The following LRRTM4 variants were observed in gnomAD, a reference collection of about 807,000 sequenced individuals.
LRRTM4 encodes leucine-rich repeat transmembrane neuronal protein 4.
LRRTM4 carries 25 observed loss-of-function variants against 47.6 expected under a neutral mutation model. That is an observed-to-expected ratio of 0.53 (90% CI 0.38 to 0.73). The LOEUF (loss-of-function observed/expected upper bound fraction) is 0.73. Among genes scored for constraint, LRRTM4 ranks in the 30% least tolerant of loss-of-function variants. The pLI, the probability that LRRTM4 is intolerant of heterozygous loss-of-function variation, is 0.00. For synonymous variants in LRRTM4, 311 were observed against 269.5 expected (o/e 1.15, Z -1.51); for missense variants, 638 against 713.4 (o/e 0.89, Z 1.20).
chr2:77,159,827 T>C (rs1378357249), intron 3 of LRRTM4, among the ~76,000 whole-genome samples: 1 of 152,176 alleles, frequency 6.6e-6, no homozygotes, highest in Admixed American at 6.5e-5. Flanking sequence ...TGTTTCTGTA[T>C]GGTAACAATC....
chr2:77,452,705 C>T (rs2861051), intron 3 of LRRTM4, among the ~76,000 whole-genome samples: 6,420 of 152,164 alleles, frequency 0.042, 144 homozygotes, highest in Non-Finnish European at 0.057. Context: ...TCATTTTGCA[C>T]GGCGCCCTGC....
chr2:77,453,176 A>ATTT (rs1162461607), intron 3 of LRRTM4, among the ~76,000 whole-genome samples: 192 of 99,526 alleles, frequency 1.9e-3, no homozygotes, highest in African/African-American at 2.3e-3. Context: ...TTTCTTCTTG[A>ATTT]TTTTTTTTTT....
rs1210828740 is a variant in LRRTM4 at position 77,043,379 on chromosome 2, CG to C, written c.1552-294464del. On this transcript the variant is annotated intron_variant, in intron 3 of 3. Coordinates refer to ENST00000409884, the MANE Select transcript of LRRTM4 (RefSeq NM_001134745.3). ...AAAAAGAGGATTTGGGCATTGTCTT[CG>C]CAACAGTATTGTCCTCCAACTATAA... 3.3e-5 allele frequency among the ~76,000 whole-genome samples: 5 copies of C among 151,764 alleles called. No homozygotes were observed. The East Asian group carries it at 9.7e-4, about 30-fold the overall frequency.
At chr2:76,828,075 T>A (rs1671236735) in intron 3 of LRRTM4, among the ~76,000 whole-genome samples, 1 of 151,976 alleles carries the variant, frequency 6.6e-6, no homozygotes. Flanking sequence ...GATTATGCAT[T>A]TAATGAAAGA....
At chr2:76,836,363 C>G (rs1398129081) in intron 3 of LRRTM4, among the ~76,000 whole-genome samples, 3 of 151,752 alleles carry the variant, frequency 2.0e-5, no homozygotes, top group Non-Finnish European at 2.9e-5. Context: ...TGTATTTGCT[C>G]AACACATATT....
chr2:76,940,509 AG>A (rs1299080060), intron 3 of LRRTM4, among the ~76,000 whole-genome samples: 1 of 152,140 alleles, frequency 6.6e-6, no homozygotes, highest in Admixed American at 6.5e-5. Context: ...GAGAAGAGGG[AG>A]GGGATCAGGA....
Position 77,036,447 on chromosome 2 carries a change from G to A in LRRTM4, c.1552-287531C>T, listed in dbSNP as rs140354738. On this transcript the variant is annotated intron_variant, in intron 3 of 3. Coordinates refer to ENST00000409884, the MANE Select transcript of LRRTM4 (RefSeq NM_001134745.3). ...GCTGTCTTAGAAATTCTACTTTAAG[G>A]ATCTTGCTCAGATATCTCATCCTTT... 3.2e-4 allele frequency among the ~76,000 whole-genome samples: 49 copies of A among 151,670 alleles called. No individual in the cohort carries two copies. The East Asian group carries it at 7.8e-3, about 24-fold the overall frequency.
intron 3 of LRRTM4, among the ~76,000 whole-genome samples, chr2:77,436,042 A>G (rs879560225): frequency 1.3e-5 from 2 of 152,176 alleles, no homozygotes; most frequent in Non-Finnish European, 2.9e-5. Context: ...TTGACTCTCC[A>G]TTTATGTAGA....
At chr2:76,775,269 T>C (rs1198435352) in intron 3 of LRRTM4, among the ~76,000 whole-genome samples, 1 of 152,196 alleles carries the variant, frequency 6.6e-6, no homozygotes, top group African/African-American at 2.4e-5. Context: ...TTTCATAATG[T>C]TCAATCATGG....
intron 3 of LRRTM4, among the ~76,000 whole-genome samples, chr2:77,238,450 G>A (rs1007152978): frequency 6.6e-6 from 1 of 151,822 alleles, no homozygotes; most frequent in Non-Finnish European, 1.5e-5. Context: ...CAAAGACACA[G>A]GCATACCGTG....
At chr2:76,828,801 C>T (rs1487461742) in intron 3 of LRRTM4, among the ~76,000 whole-genome samples, 1 of 151,922 alleles carries the variant, frequency 6.6e-6, no homozygotes, top group Non-Finnish European at 1.5e-5. Flanking sequence ...AAAAGCCTAG[C>T]ACGAAACTCA....
chr2:77,070,408 CTA>C lies in LRRTM4; in HGVS notation c.1552-321494_1552-321493del, dbSNP rs996355613. 4.6e-5 allele frequency among the ~76,000 whole-genome samples: 7 copies of C among 151,906 alleles called. No individual in the cohort carries two copies. In the South Asian group the frequency reaches 6.2e-4, roughly 13 times the overall value. The stretch of plus-strand genomic sequence containing the variant: ...GCCATTTTCATGGATGTCACTCTCT[CTA>C]TATATATATTTTAAAGATAAAACAT... On this transcript the variant is annotated intron_variant, in intron 3 of 3. Transcript: ENST00000409884.
chr2:76,803,923 G>A (rs773437528), intron 3 of LRRTM4, among the ~76,000 whole-genome samples: 2 of 152,146 alleles, frequency 1.3e-5, no homozygotes, highest in Admixed American at 6.6e-5. Context: ...TGACTAGCAC[G>A]CAACAAAAAC....
chr2:77,411,757 A>G (rs1231710410), intron 3 of LRRTM4, among the ~76,000 whole-genome samples: 2 of 150,120 alleles, frequency 1.3e-5, no homozygotes, highest in African/African-American at 4.9e-5. Context: ...GATGTAAGCC[A>G]CCGCGCCCGG....
At chr2:76,809,391 T>C (rs759369358) in intron 3 of LRRTM4, among the ~76,000 whole-genome samples, 19 of 152,178 alleles carry the variant, frequency 1.2e-4, no homozygotes, top group Non-Finnish European at 2.6e-4. Flanking sequence ...ATCAGTTATG[T>C]CAGCTCCTTC....
At chr2:77,030,564 C>A (rs2104136581) in intron 3 of LRRTM4, among the ~76,000 whole-genome samples, 1 of 152,156 alleles carries the variant, frequency 6.6e-6, no homozygotes, top group Non-Finnish European at 1.5e-5. Flanking sequence ...ATTTATACTT[C>A]CAGAATTTAT....
chr2:77,208,650 G>A (rs1163465655), intron 3 of LRRTM4, among the ~76,000 whole-genome samples: 1 of 152,064 alleles, frequency 6.6e-6, no homozygotes, highest in African/African-American at 2.4e-5. Context: ...TCTGAGGATG[G>A]AGAGAGAGTT....
intron 3 of LRRTM4, among the ~76,000 whole-genome samples, chr2:77,435,490 T>A (rs973467301): frequency 1.3e-5 from 2 of 152,134 alleles, no homozygotes; most frequent in Non-Finnish European, 2.9e-5. Flanking sequence ...AGATTCAATA[T>A]CCAATTTATA....
At chr2:76,833,814 A>G (rs918341991) in intron 3 of LRRTM4, among the ~76,000 whole-genome samples, 6 of 151,836 alleles carry the variant, frequency 4.0e-5, no homozygotes, top group South Asian at 4.1e-4. Flanking sequence ...TAGCAAAATA[A>G]TATTTTAATA....
Sources: allele counts gnomAD v4.1 joint callset (sites outside exome capture counted in the v4.1 genomes callset), GRCh38; gene constraint gnomAD v4.1.1; transcripts MANE v1.5; gene names NCBI Gene and HGNC (gene_info 2026-07-23, HGNC 2026-07-21).